The following SPECC1 variants were observed in gnomAD, a reference collection of about 807,000 sequenced individuals.
The protein encoded by SPECC1 is sperm antigen with calponin homology and coiled-coil domains 1.
SPECC1 carries 62 observed loss-of-function variants against 104.1 expected under a neutral mutation model. That is an observed-to-expected ratio of 0.60 (90% CI 0.49 to 0.74). The LOEUF (loss-of-function observed/expected upper bound fraction) is 0.74. SPECC1 is among the 30% of genes least tolerant of loss of function. SPECC1 has a pLI of 0.00. For synonymous variants in SPECC1, 513 were observed against 501.6 expected (o/e 1.02, Z -0.30); for missense variants, 1,306 against 1,310.5 (o/e 1.00, Z 0.05).
At chr17:20,039,323 T>A (rs1051269776) in intron 1 of SPECC1, among the ~76,000 whole-genome samples, 1 of 152,206 alleles carries the variant, frequency 6.6e-6, no homozygotes, top group African/African-American at 2.4e-5. Context: ...TTTGTCTAGT[T>A]GTTCTATCAG....
intron 3 of SPECC1, among the ~76,000 whole-genome samples, chr17:20,151,602 C>T (rs770594661): frequency 6.6e-6 from 1 of 152,212 alleles, no homozygotes; most frequent in Non-Finnish European, 1.5e-5. Context: ...ATACACAGCA[C>T]ATCAGCTTCA....
chr17:20,142,948 T>G (rs532551799), intron 3 of SPECC1, among the ~76,000 whole-genome samples: 129 of 151,726 alleles, frequency 8.5e-4, no homozygotes, highest in Non-Finnish European at 1.6e-3. Flanking sequence ...TTCAGTGAGC[T>G]GAGATCGCGC....
intron 5 of SPECC1, 109 bp from the exon 6 acceptor site, chr17:20,231,649 T>A: frequency 1.1e-6 from 1 of 913,550 alleles, no homozygotes; most frequent in East Asian, 2.4e-5. Context: ...TGGATGGATT[T>A]GGATGCCTGT....
intron 1 of SPECC1, among the ~76,000 whole-genome samples, chr17:20,074,449 C>G (rs1013276493): frequency 1.3e-5 from 2 of 152,198 alleles, no homozygotes; most frequent in East Asian, 3.8e-4. Flanking sequence ...TAAAATCTCT[C>G]TTACCCACTC....
chr17:20,121,976 A>G (rs978369855), intron 3 of SPECC1, among the ~76,000 whole-genome samples: 6 of 152,244 alleles, frequency 3.9e-5, no homozygotes, highest in Admixed American at 3.9e-4. Context: ...AAAGGACTAT[A>G]TGAGTGAGCA....
chr17:20,305,981 T>A (rs183192314), intron 13 of SPECC1, 42 bp from the exon 14 acceptor site: 1 of 1,574,796 alleles, frequency 6.4e-7, no homozygotes, highest in Non-Finnish European at 8.7e-7. Flanking sequence ...AAGCTATATA[T>A]TTTAAATTAC....
chr17:20,178,311 T>A (rs2034618372), intron 3 of SPECC1, among the ~76,000 whole-genome samples: 1 of 152,160 alleles, frequency 6.6e-6, no homozygotes, highest in Non-Finnish European at 1.5e-5. Context: ...AATGTTCCCG[T>A]GTCTAGGTGG....
At chr17:20,156,320 G>C (rs1291485088) in intron 3 of SPECC1, 3 of 1,286,104 alleles carry the variant, frequency 2.3e-6, no homozygotes, top group Admixed American at 8.4e-5. Flanking sequence ...TCCGGCTCGC[G>C]GCGCCGACTG....
chr17:20,016,046 T>TA lies in SPECC1; in HGVS notation c.-22+6632dup, dbSNP rs535526541. 5.0e-3 allele frequency among the ~76,000 whole-genome samples: 729 copies of TA among 145,028 alleles called. 5 individuals carry two copies. Among genetic ancestry groups the TA allele is most frequent in the Middle Eastern group, 0.014 (4 of 282 alleles). On this transcript the variant is annotated intron_variant, in intron 1 of 14. Transcript: ENST00000395527. Reference sequence around the variant, plus strand: ...TAACATGGTGAAACTCCGCTTCTACTAAAAAAAAAATAAAATAAAAAATTA... The same window carrying TA: ...TAACATGGTGAAACTCCGCTTCTACTAAAAAAAAAAATAAAATAAAAAATTA...
At chr17:20,130,399 G>C (rs2049551637) in intron 3 of SPECC1, among the ~76,000 whole-genome samples, 1 of 152,182 alleles carries the variant, frequency 6.6e-6, no homozygotes, top group Non-Finnish European at 1.5e-5. Context: ...GCTGGGTATG[G>C]TGGTGCACAC....
At chr17:20,280,276 G>A (rs1160348151) in intron 12 of SPECC1, among the ~76,000 whole-genome samples, 1 of 152,208 alleles carries the variant, frequency 6.6e-6, no homozygotes, top group African/African-American at 2.4e-5. Flanking sequence ...CATTGTCTAA[G>A]TGCATCTAAT....
At chr17:20,241,240 C>T (rs2039185866) in intron 7 of SPECC1, among the ~76,000 whole-genome samples, 1 of 152,224 alleles carries the variant, frequency 6.6e-6, no homozygotes, top group South Asian at 2.1e-4. Context: ...GCCTGGAACG[C>T]AGAGCCAGCT....
chr17:20,144,032 T>C (rs2031160870), intron 3 of SPECC1, among the ~76,000 whole-genome samples: 1 of 152,148 alleles, frequency 6.6e-6, no homozygotes, highest in Non-Finnish European at 1.5e-5. Context: ...GAGCACACTA[T>C]GTGAGTTCAC....
rs545456176 is a variant in SPECC1, at chr17:20,161,983, C to T, written c.284-42350C>T. On this transcript the variant is annotated intron_variant, in intron 3 of 14. Transcript: ENST00000395527. ...CTAATTTTTGTATTTTTAGTAGAGA[C>T]GGGGTTTCGCCATGTTGGCCAGGCT... 4.6e-5 allele frequency among the ~76,000 whole-genome samples: 7 copies of T among 151,632 alleles called. No individual in the cohort carries two copies. The East Asian group carries it at 9.7e-4, about 21-fold the overall frequency.
intron 1 of SPECC1, among the ~76,000 whole-genome samples, chr17:20,048,536 C>G (rs2045626463): frequency 6.6e-6 from 1 of 152,048 alleles, no homozygotes; most frequent in African/African-American, 2.4e-5. Context: ...AGGCCCTTCT[C>G]TACTTTCATT....
intron 5 of SPECC1, among the ~76,000 whole-genome samples, chr17:20,231,303 A>G (rs2038561564): frequency 6.6e-6 from 1 of 152,218 alleles, no homozygotes; most frequent in Admixed American, 6.5e-5. Flanking sequence ...ATTGAGACCC[A>G]TGACTCTAGA....
intron 3 of SPECC1, among the ~76,000 whole-genome samples, chr17:20,197,653 T>G (rs1235763358): frequency 2.0e-5 from 3 of 152,246 alleles, no homozygotes; most frequent in Non-Finnish European, 4.4e-5. Context: ...TACTGCCACA[T>G]GGTTACAAGG....
At position 20,316,924 on chromosome 17, in the gene SPECC1, T is replaced by G. The variant is rs2042047740; in HGVS notation, c.*2859T>G. 4.6e-6 allele frequency: 1 copy of G among 216,060 alleles called. No homozygotes were observed. Among genetic ancestry groups the G allele is most frequent in the African/African-American group, 2.3e-5 (1 of 44,336 alleles). The allele number at this position is 216,060 out of a possible 1,614,324, so 13.4% of individuals were successfully genotyped here. A position where few individuals can be genotyped will look rare whatever the true frequency, so the allele number is the denominator to read the frequency against. On this transcript the variant is annotated 3_prime_UTR_variant, in exon 15 of 15. Transcript: ENST00000395527. ...AGCCCCTCTCCACTGGGAGCCCAAGTTGCCAATGACTGTGGCCAAACTCCC... is the reference window on the plus strand; with the variant it reads ...AGCCCCTCTCCACTGGGAGCCCAAGGTGCCAATGACTGTGGCCAAACTCCC...
chr17:20,238,525 C>T, intron 7 of SPECC1: 7 of 1,042,126 alleles, frequency 6.7e-6, no homozygotes, highest in Non-Finnish European at 8.1e-6. Flanking sequence ...AAATTAGGAA[C>T]AGGAATGCTC....
Sources: allele counts gnomAD v4.1 joint callset (sites outside exome capture counted in the v4.1 genomes callset), GRCh38; gene constraint gnomAD v4.1.1; transcripts MANE v1.5; gene names NCBI Gene and HGNC (gene_info 2026-07-23, HGNC 2026-07-21).